Variants in ENTREP2 observed in about 807,000 individuals in gnomAD.
The protein encoded by ENTREP2 is endosomal transmembrane epsin interactor 2, also known as protein ENTREP2.
chr15:29,157,163 G>A, the ENTREP2 span, among the ~76,000 whole-genome samples: 1 of 152,164 alleles, frequency 6.6e-6, no homozygotes, highest in Non-Finnish European at 1.5e-5. Context: ...AGTTACCAGT[G>A]GGCCTGACCC....
At chr15:29,480,756 C>T in the ENTREP2 span, among the ~76,000 whole-genome samples, 1,762 of 152,240 alleles carry the variant, frequency 0.012, 35 homozygotes, top group African/African-American at 0.04. Flanking sequence ...CATTGAACAT[C>T]CCATTTCCCG....
At chr15:29,304,985 G>T in the ENTREP2 span, among the ~76,000 whole-genome samples, 2 of 152,194 alleles carry the variant, frequency 1.3e-5, no homozygotes, top group Non-Finnish European at 2.9e-5. Context: ...CACTCCCTCA[G>T]CCAACTGTAC....
the ENTREP2 span, among the ~76,000 whole-genome samples, chr15:29,603,715 T>A: frequency 6.6e-6 from 1 of 152,190 alleles, no homozygotes; most frequent in African/African-American, 2.4e-5. Flanking sequence ...CTTGGCTCAC[T>A]GCAACCTCCG....
At chr15:29,324,755 T>C in the ENTREP2 span, among the ~76,000 whole-genome samples, 1 of 152,142 alleles carries the variant, frequency 6.6e-6, no homozygotes, top group Non-Finnish European at 1.5e-5. Context: ...TCAAAATACA[T>C]GAGGCAAAAA....
At chr15:29,239,661 T>C in the ENTREP2 span, among the ~76,000 whole-genome samples, 3 of 152,200 alleles carry the variant, frequency 2.0e-5, no homozygotes, top group African/African-American at 7.2e-5. Context: ...CTGCAGTGTG[T>C]TGAATCTAAT....
the ENTREP2 span, among the ~76,000 whole-genome samples, chr15:29,661,434 C>T: frequency 7.9e-5 from 12 of 152,108 alleles, no homozygotes; most frequent in Admixed American, 4.6e-4. Context: ...CTCCTGACCT[C>T]GTGATCTGCC....
At chr15:29,263,474 G>A in the ENTREP2 span, among the ~76,000 whole-genome samples, 890 of 152,340 alleles carry the variant, frequency 5.8e-3, 8 homozygotes, top group African/African-American at 0.02. Context: ...AGCCAGTTAT[G>A]TGGGACATTG....
chr15:29,331,873 A>G, the ENTREP2 span, among the ~76,000 whole-genome samples: 355 of 152,342 alleles, frequency 2.3e-3, 1 homozygote, highest in African/African-American at 8.3e-3. Flanking sequence ...TCACACCTGC[A>G]GCACTGATTC....
the ENTREP2 span, among the ~76,000 whole-genome samples, chr15:29,471,069 C>A: frequency 6.6e-6 from 1 of 152,166 alleles, no homozygotes; most frequent in South Asian, 2.1e-4. Context: ...CAGAGCTCAG[C>A]CCAATGCACT....
chr15:29,527,002 A>G, the ENTREP2 span, among the ~76,000 whole-genome samples: 1 of 151,992 alleles, frequency 6.6e-6, no homozygotes, highest in Admixed American at 6.6e-5. Flanking sequence ...GTTGTCACCA[A>G]CCCATTTGGC....
At chr15:29,662,211 C>CAAAA in the ENTREP2 span, among the ~76,000 whole-genome samples, 144 of 44,640 alleles carry the variant, frequency 3.2e-3, no homozygotes, top group Middle Eastern at 0.019. Context: ...AACCCTGTCG[C>CAAAA]AAAAAAAAAA....
At chr15:29,381,895 A>G in the ENTREP2 span, 1 of 1,445,008 alleles carries the variant, frequency 6.9e-7, no homozygotes, top group South Asian at 1.2e-5. Context: ...CAATCAAAAC[A>G]CTGTGAACCG....
At chr15:29,308,926 T>A in the ENTREP2 span, among the ~76,000 whole-genome samples, 101 of 152,274 alleles carry the variant, frequency 6.6e-4, 1 homozygote, top group African/African-American at 2.4e-3. Flanking sequence ...CCCTGTGAAA[T>A]GATTCTTACT....
chr15:29,357,664 C>T, the ENTREP2 span, among the ~76,000 whole-genome samples: 2 of 151,924 alleles, frequency 1.3e-5, no homozygotes, highest in Admixed American at 6.6e-5. Flanking sequence ...GGTGAAACCT[C>T]GTCTCTACTA....
At chr15:29,203,319 G>A in the ENTREP2 span, among the ~76,000 whole-genome samples, 4 of 152,254 alleles carry the variant, frequency 2.6e-5, no homozygotes, top group Middle Eastern at 3.4e-3. Context: ...GGAGAATGGC[G>A]TGAACCCGGG....
chr15:29,648,945 A>C, the ENTREP2 span, among the ~76,000 whole-genome samples: 1,782 of 151,862 alleles, frequency 0.012, 33 homozygotes, highest in African/African-American at 0.039. Context: ...TAAAAAAAAA[A>C]AACAACAACA....
At chr15:29,630,950 G>T in the ENTREP2 span, among the ~76,000 whole-genome samples, 8 of 152,140 alleles carry the variant, frequency 5.3e-5, no homozygotes, top group Admixed American at 1.3e-4. Flanking sequence ...TCAAAATGGT[G>T]GCATTACAGG....
chr15:29,444,241 A>G, the ENTREP2 span, among the ~76,000 whole-genome samples: 1 of 149,284 alleles, frequency 6.7e-6, no homozygotes, highest in East Asian at 2.0e-4. Flanking sequence ...AAAGAAAGAA[A>G]GAAAGAAAGA....
the ENTREP2 span, among the ~76,000 whole-genome samples, chr15:29,494,228 T>G: frequency 6.7e-3 from 1,018 of 152,020 alleles, 10 homozygotes; most frequent in African/African-American, 0.023. Flanking sequence ...TAAAAACGCT[T>G]TCCAATATTT....
Sources: allele counts gnomAD v4.1 joint callset (sites outside exome capture counted in the v4.1 genomes callset), GRCh38; gene constraint gnomAD v4.1.1; transcripts MANE v1.5; gene names NCBI Gene and HGNC (gene_info 2026-07-23, HGNC 2026-07-21).